The following CPED1 variants were observed in gnomAD, a reference collection of about 807,000 sequenced individuals.
CPED1 encodes cadherin-like and PC-esterase domain-containing protein 1.
In CPED1, 114 loss-of-function variants were observed where a neutral mutation model predicts 128.2. The ratio of observed to expected loss-of-function variants is 0.89; its 90% confidence interval spans 0.76 to 1.04. The LOEUF (loss-of-function observed/expected upper bound fraction) is 1.04. Ranked by LOEUF, CPED1 falls within the 50% of genes least tolerant of loss-of-function variation. The pLI, the probability that CPED1 is intolerant of heterozygous loss-of-function variation, is 0.00. For missense variants in CPED1, 1,211 were observed against 1,207.1 expected, an observed-to-expected ratio of 1.00 and a Z score of -0.05; for synonymous variants, 462 against 426.7, an observed-to-expected ratio of 1.08 and a Z score of -1.02.
At chr7:121,062,946 G>C (rs1793715247) in intron 4 of CPED1, 1 of 152,176 alleles carries the variant, frequency 6.6e-6, no homozygotes, top group Non-Finnish European at 1.5e-5. Context: ...CAGCCACGTG[G>C]AACTGTGAGT....
chr7:121,291,990 G>T (rs1448320222), intron 22 of CPED1, among the ~76,000 whole-genome samples: 1 of 151,614 alleles, frequency 6.6e-6, no homozygotes, highest in Non-Finnish European at 1.5e-5. Context: ...TGCCTAGTTG[G>T]GGTTGCTCTT....
At chr7:121,026,186 A>T (rs555544364) in intron 3 of CPED1, among the ~76,000 whole-genome samples, 2 of 152,342 alleles carry the variant, frequency 1.3e-5, no homozygotes, top group South Asian at 4.1e-4. Flanking sequence ...AACTGTCAAA[A>T]AAACAAACAA....
At chr7:121,162,155 T>C (rs1356610664) in intron 16 of CPED1, among the ~76,000 whole-genome samples, 1 of 152,216 alleles carries the variant, frequency 6.6e-6, no homozygotes, top group African/African-American at 2.4e-5. Context: ...ATGACAGAAT[T>C]AGGCCAAGTG....
At chr7:121,127,476 A>G (rs2116323448) in intron 10 of CPED1, among the ~76,000 whole-genome samples, 1 of 151,872 alleles carries the variant, frequency 6.6e-6, no homozygotes, top group Non-Finnish European at 1.5e-5. Flanking sequence ...TGGGTTGAAA[A>G]TTAAGTATAG....
At position 121,097,827 on chromosome 7, in the gene CPED1, C is replaced by T. The variant is rs1794738610; in HGVS notation, c.745C>T (p.Gln249Ter). The change falls in exon 6 of 23, where the codon CAG (glutamine) becomes TAG (stop). Residue 249 changes from glutamine (Q) to a stop codon, truncating the protein, a stop_gained. Coordinates refer to ENST00000310396, the MANE Select transcript of CPED1 (RefSeq NM_024913.5). LOFTEE classifies it high-confidence loss of function. ...VWKPGDWSRE[Q>*]LNETTVLAPH... ...GAAACCAGGGGACTGGAGTCGTGAA[C>T]AGCTGTAAGCTAATCATTTTGAATT... 7 of 1,613,518 alleles carry T rather than the reference C, an allele frequency of 4.3e-6. No individual in the cohort carries two copies. Among genetic ancestry groups the T allele is most frequent in the Non-Finnish European group, 5.9e-6 (7 of 1,179,622 alleles).
chr7:121,146,247 T>A (rs1424645178), intron 16 of CPED1, among the ~76,000 whole-genome samples: 1 of 152,026 alleles, frequency 6.6e-6, no homozygotes, highest in Non-Finnish European at 1.5e-5. Context: ...TTCTATGTCC[T>A]CACATGGGGA....
chr7:121,243,086 C>G (rs1798440084), intron 17 of CPED1, among the ~76,000 whole-genome samples: 1 of 152,032 alleles, frequency 6.6e-6, no homozygotes, highest in African/African-American at 2.4e-5. Context: ...TAATCAAAGC[C>G]AGAATGGACA....
intron 16 of CPED1, among the ~76,000 whole-genome samples, chr7:121,179,542 T>A (rs936199657): frequency 1.3e-5 from 2 of 152,102 alleles, no homozygotes; most frequent in Admixed American, 1.3e-4. Context: ...GAAACAGAAG[T>A]TTTTTTCATG....
intron 18 of CPED1, among the ~76,000 whole-genome samples, chr7:121,260,222 CGT>C (rs1791980997): frequency 3.9e-5 from 3 of 76,360 alleles, no homozygotes; most frequent in African/African-American, 1.5e-4. Context: ...GCTTGCTTCG[CGT>C]TTTTTTTTTT....
chr7:121,063,954 T>C (rs1371275089), intron 4 of CPED1, among the ~76,000 whole-genome samples: 1 of 152,200 alleles, frequency 6.6e-6, no homozygotes, highest in Non-Finnish European at 1.5e-5. Flanking sequence ...TATTTTCTTT[T>C]ATATTTAGCA....
intron 22 of CPED1, among the ~76,000 whole-genome samples, chr7:121,285,981 A>G (rs1464945427): frequency 2.0e-5 from 3 of 152,206 alleles, no homozygotes; most frequent in Non-Finnish European, 4.4e-5. Flanking sequence ...GACATACCTG[A>G]GACTGGGTAA....
At chr7:121,014,377 C>T (rs1029031613) in intron 2 of CPED1, among the ~76,000 whole-genome samples, 3 of 151,756 alleles carry the variant, frequency 2.0e-5, no homozygotes, top group African/African-American at 7.3e-5. Context: ...AAGGTGAAAC[C>T]CCATCTCTAC....
At chr7:121,268,310 G>A (rs1442001364) in intron 21 of CPED1, among the ~76,000 whole-genome samples, 1 of 151,988 alleles carries the variant, frequency 6.6e-6, no homozygotes, top group Non-Finnish European at 1.5e-5. Context: ...TGGCATACTT[G>A]TGGCCTTTAC....
intron 18 of CPED1, among the ~76,000 whole-genome samples, chr7:121,252,962 G>C (rs1240599597): frequency 6.6e-6 from 1 of 152,102 alleles, no homozygotes; most frequent in Non-Finnish European, 1.5e-5. Context: ...CCATTACTGG[G>C]TATATACCCA....
intron 18 of CPED1, among the ~76,000 whole-genome samples, chr7:121,262,302 C>T (rs1205022562): frequency 6.6e-6 from 1 of 152,144 alleles, no homozygotes; most frequent in East Asian, 1.9e-4. Context: ...ATTACCCAGG[C>T]TCAGGCATTC....
At chr7:121,084,813 TACTC>T (rs369767947) in intron 5 of CPED1, among the ~76,000 whole-genome samples, 3 of 152,330 alleles carry the variant, frequency 2.0e-5, no homozygotes, top group African/African-American at 7.2e-5. Context: ...CACAGGGTGA[TACTC>T]AGCATCGTAG....
chr7:121,257,299 C>G (rs541500029), intron 18 of CPED1, among the ~76,000 whole-genome samples: 1 of 152,124 alleles, frequency 6.6e-6, no homozygotes, highest in African/African-American at 2.4e-5. Context: ...CCTGCAAGAC[C>G]GTCCAGGTCA....
At chr7:121,036,005 A>G (rs1209300136) in intron 3 of CPED1, among the ~76,000 whole-genome samples, 5 of 152,176 alleles carry the variant, frequency 3.3e-5, no homozygotes, top group Admixed American at 6.6e-5. Context: ...TTGTGAGCCA[A>G]TGACAGAAGC....
In CPED1 at chr7:121,128,185, T is replaced by A. The variant is rs144803354; in HGVS notation, c.1303-197T>A. ...TCATTGAGCTATTTTATCCAGGTCC[T>A]CCCTGTCAGATATGAAGCTTTCTTA... On this transcript the variant is annotated intron_variant, in intron 10 of 22. Transcript: ENST00000310396. 6.7e-3 allele frequency among the ~76,000 whole-genome samples: 1,015 copies of A among 152,310 alleles called. 9 individuals are homozygous for A. Among genetic ancestry groups the A allele is most frequent in the African/African-American group, 0.023 (942 of 41,556 alleles).
Sources: allele counts gnomAD v4.1 joint callset (sites outside exome capture counted in the v4.1 genomes callset), GRCh38; gene constraint gnomAD v4.1.1; transcripts MANE v1.5; gene names NCBI Gene and HGNC (gene_info 2026-07-23, HGNC 2026-07-21).